HACE1: variants seen among roughly 807,000 people sequenced by gnomAD.
HACE1 encodes the protein E3 ubiquitin-protein ligase HACE1.
HACE1 carries 73 observed loss-of-function variants against 118.4 expected under a neutral mutation model. The ratio of observed to expected loss-of-function variants is 0.62; its 90% CI spans 0.51 to 0.75. The LOEUF is 0.75. HACE1 is among the 30% of genes least tolerant of loss of function. The probability of loss-of-function intolerance (pLI) is 0.00; values close to 1 mark genes in which losing one functional copy is unlikely to be tolerated. For missense variants in HACE1, 749 were observed against 1,102.2 expected (o/e 0.68, Z 4.54); for synonymous variants, 368 against 374.8 (o/e 0.98, Z 0.21).
intron 6 of HACE1, among the ~76,000 whole-genome samples, chr6:104,816,603 T>C (rs1489057481): frequency 1.3e-5 from 2 of 152,164 alleles, no homozygotes; most frequent in Admixed American, 6.5e-5. Flanking sequence ...AGTAGAGCCT[T>C]CATGGAGAAC....
intron 19 of HACE1, among the ~76,000 whole-genome samples, chr6:104,769,844 CTT>C (rs996585073): frequency 1.3e-5 from 2 of 151,942 alleles, no homozygotes; most frequent in South Asian, 4.2e-4. Flanking sequence ...AATTCAATCT[CTT>C]TTTTTTGTAC....
At chr6:104,759,827 G>C (rs995037521) in intron 19 of HACE1, among the ~76,000 whole-genome samples, 5 of 151,980 alleles carry the variant, frequency 3.3e-5, no homozygotes, top group African/African-American at 1.2e-4. Flanking sequence ...GATGAAAAGA[G>C]AGAAGAATAA....
intron 19 of HACE1, chr6:104,766,747 G>A (rs1303761926): frequency 1.3e-5 from 2 of 152,208 alleles, no homozygotes; most frequent in Non-Finnish European, 2.9e-5. Context: ...GAAAACATCA[G>A]TTACAAGTTT....
intron 6 of HACE1, among the ~76,000 whole-genome samples, chr6:104,820,661 AT>A (rs1318789767): frequency 6.6e-6 from 1 of 152,216 alleles, no homozygotes; most frequent in Non-Finnish European, 1.5e-5. Context: ...ACCAGTCAGA[AT>A]GGATATTATT....
intron 19 of HACE1, among the ~76,000 whole-genome samples, chr6:104,756,465 A>T (rs1408362513): frequency 6.7e-6 from 1 of 150,038 alleles, no homozygotes; most frequent in Non-Finnish European, 1.5e-5. Flanking sequence ...ACACACACTT[A>T]TTATTAAAGT....
chr6:104,835,225 A>G (rs1361812144), intron 5 of HACE1, among the ~76,000 whole-genome samples: 1 of 152,220 alleles, frequency 6.6e-6, no homozygotes, highest in Non-Finnish European at 1.5e-5. Context: ...AGCCTCACTC[A>G]TGCTGACAGC....
At chr6:104,766,043 A>C (rs183841515) in intron 19 of HACE1, among the ~76,000 whole-genome samples, 68 of 152,328 alleles carry the variant, frequency 4.5e-4, no homozygotes, top group African/African-American at 1.6e-3. Context: ...GGGTATCTGC[A>C]GGCCTTTTTG....
chr6:104,790,005 C>T (rs890334562), intron 11 of HACE1, among the ~76,000 whole-genome samples: 2 of 151,400 alleles, frequency 1.3e-5, no homozygotes, highest in East Asian at 1.9e-4. Context: ...GGAAGTGGTA[C>T]GTGAAAAGCC....
At chr6:104,844,406 C>A (rs1160243155) in intron 4 of HACE1, among the ~76,000 whole-genome samples, 10 of 141,934 alleles carry the variant, frequency 7.0e-5, no homozygotes, top group Non-Finnish European at 1.1e-4. Context: ...TGCAGTGATG[C>A]GATCTCGGCT....
Position 104,794,309 on chromosome 6 carries a change from A to G in HACE1, c.923+1270T>C, listed in dbSNP as rs7744125. Among the ~76,000 whole-genome samples the G allele has an allele frequency of 7.2e-3, 1,094 of 152,336 alleles. 10 individuals are homozygous for G. Among genetic ancestry groups the G allele is most frequent in the African/African-American group, 0.025 (1,051 of 41,580 alleles). ...TTATAATTACTGTGGAAGTATATAT[A>G]ATATGACAAATATTTAAGAAGAAAA... On this transcript the variant is annotated intron_variant, in intron 10 of 23. Transcript: ENST00000262903.
chr6:104,745,579 T>G (rs1777334977), intron 20 of HACE1, among the ~76,000 whole-genome samples: 1 of 151,728 alleles, frequency 6.6e-6, no homozygotes, highest in Non-Finnish European at 1.5e-5. Flanking sequence ...TAGCTAGGAC[T>G]ACAGGCGCCT....
chr6:104,820,294 G>A (rs1316141208), intron 6 of HACE1, among the ~76,000 whole-genome samples: 2 of 151,842 alleles, frequency 1.3e-5, no homozygotes, highest in Non-Finnish European at 2.9e-5. Context: ...AAGATTTCCT[G>A]ACAAAGATGC....
chr6:104,806,815 G>T (rs1771049705), intron 7 of HACE1, among the ~76,000 whole-genome samples: 1 of 152,050 alleles, frequency 6.6e-6, no homozygotes, highest in Non-Finnish European at 1.5e-5. Flanking sequence ...ACTTGTGGTG[G>T]CTTCTAAAGC....
At chr6:104,777,975 T>A (rs1282343042) in intron 14 of HACE1, among the ~76,000 whole-genome samples, 1 of 152,122 alleles carries the variant, frequency 6.6e-6, no homozygotes, top group African/African-American at 2.4e-5. Flanking sequence ...GCCAGGCTGG[T>A]TTCGAACTCC....
Position 104,831,975 on chromosome 6 carries a change from GAA to G in HACE1, c.534+1065_534+1066del, listed in dbSNP as rs1773983684. 8.6e-4 allele frequency among the ~76,000 whole-genome samples: 46 copies of G among 53,548 alleles called. 1 individual carries two copies. Among genetic ancestry groups the G allele is most frequent in the Admixed American group, 8.9e-4 (5 of 5,646 alleles). 35.1% of individuals were successfully genotyped at this position (53,548 alleles called of 152,430 possible). The stretch of plus-strand genomic sequence containing the variant: ...GAAGAGAAGAGAAGAGAAGAGAAGA[GAA>G]GAGAGGAAGGAAGGAAGGAAGGAAG... On this transcript the variant is annotated intron_variant, in intron 6 of 23. Transcript: ENST00000262903.
chr6:104,774,932 A>G (rs563390998), intron 17 of HACE1, among the ~76,000 whole-genome samples: 5 of 152,224 alleles, frequency 3.3e-5, no homozygotes, highest in Non-Finnish European at 5.9e-5. Context: ...CTTGATTCCT[A>G]TATGTAATTC....
At chr6:104,838,463 A>G (rs749189164) in intron 5 of HACE1, among the ~76,000 whole-genome samples, 1 of 152,144 alleles carries the variant, frequency 6.6e-6, no homozygotes, top group Non-Finnish European at 1.5e-5. Context: ...GGAGGTAGGG[A>G]CCATCTCTTC....
At chr6:104,807,925 G>A (rs925994288) in intron 7 of HACE1, among the ~76,000 whole-genome samples, 11 of 152,210 alleles carry the variant, frequency 7.2e-5, no homozygotes, top group African/African-American at 1.7e-4. Context: ...GGTGGCTCAC[G>A]TCTGTAATCC....
At chr6:104,788,730 G>A (rs75921493) in intron 11 of HACE1, among the ~76,000 whole-genome samples, 2 of 152,180 alleles carry the variant, frequency 1.3e-5, no homozygotes, top group East Asian at 3.9e-4. Flanking sequence ...CATGTTCACT[G>A]TGCTTCAAAA....
Sources: gnomAD v4.1 joint callset for allele counts (sites outside exome capture counted in the v4.1 genomes callset) on GRCh38, gnomAD v4.1.1 for gene constraint, MANE v1.5 for transcripts, NCBI Gene and HGNC (gene_info 2026-07-23, HGNC 2026-07-21) for gene names.